MPDU1: variants seen among roughly 807,000 people sequenced by gnomAD.
MPDU1 encodes the protein mannose-P-dolichol utilization defect 1 protein.
MPDU1 carries 18 observed loss-of-function variants against 27.6 expected under a neutral mutation model. The ratio of observed to expected loss-of-function variants is 0.65; its 90% CI spans 0.45 to 0.97. The LOEUF (loss-of-function observed/expected upper bound fraction) is 0.97, where lower values mean the gene tolerates loss of function less well. Ranked by LOEUF, MPDU1 falls within the 50% of genes least tolerant of loss-of-function variation. The pLI is 0.00. For synonymous variants in MPDU1, 142 were observed against 131.1 expected, an observed-to-expected ratio of 1.08 and a Z score of -0.57; for missense variants, 279 against 297.4, an observed-to-expected ratio of 0.94 and a Z score of 0.46.
intron 3 of MPDU1, chr17:7,586,346 G>A: frequency 1.9e-6 from 1 of 515,940 alleles, no homozygotes; most frequent in Non-Finnish European, 3.5e-6. Flanking sequence ...GGCTGAGGCA[G>A]GAGAATCACT....
At position 7,585,702 on chromosome 17, in the gene MPDU1, C is replaced by T. The variant is rs749398757; in HGVS notation, c.104-30C>T. 10 of 1,609,428 alleles carry T rather than the reference C, an allele frequency of 6.2e-6. No individual in the cohort carries two copies. The East Asian group carries it at 2.2e-4, about 36-fold the overall frequency. On this transcript the variant is annotated intron_variant, in intron 1 of 6. Coordinates refer to ENST00000250124, the MANE Select transcript of MPDU1 (RefSeq NM_004870.4). ...CCCTGGCCTGGGTTTCAGACATCTC[C>T]TGTCTGCTTACCCTTTTTTCTCTCC... is the stretch of plus-strand genomic sequence containing the variant.
In MPDU1 at chr17:7,587,649, T is replaced by G; in HGVS notation, c.*98T>G. On this transcript the variant is annotated 3_prime_UTR_variant, in exon 7 of 7. Coordinates refer to ENST00000250124, the MANE Select transcript of MPDU1 (RefSeq NM_004870.4). The stretch of plus-strand genomic sequence containing the variant: ...GCTGGTGTGACTTACTCATCCTCCA[T>G]TCCTCTGCACTTGCAGACTTTCTGA... 6.6e-7 allele frequency: 1 copy of G among 1,514,694 alleles called. No homozygotes were observed. 93.8% of individuals were successfully genotyped at this position (1,514,694 alleles called of 1,614,324 possible).
At chr17:7,585,473 G>A (rs537796350) in intron 1 of MPDU1, among the ~76,000 whole-genome samples, 1 of 151,928 alleles carries the variant, frequency 6.6e-6, no homozygotes, top group East Asian at 1.9e-4. Flanking sequence ...AGAGGCAGAG[G>A]CTGCAGTGGG....
rs1165120908 is a variant in MPDU1 at position 7,587,986 on chromosome 17, G to C, written c.*435G>C. ...AGGCTGTGGCTGCCTCCCTCCCTCA[G>C]CCCGGCTGGGACTGTCTCCCGGACC... On this transcript the variant is annotated 3_prime_UTR_variant, in exon 7 of 7. Coordinates refer to ENST00000250124, the MANE Select transcript of MPDU1 (RefSeq NM_004870.4). 2 of 479,172 alleles carry C rather than the reference G, an allele frequency of 4.2e-6. No individual in the cohort carries two copies. Among genetic ancestry groups the C allele is most frequent in the African/African-American group, 3.9e-5 (2 of 51,062 alleles). The allele number at this position is 479,172 out of a possible 1,614,324, so 29.7% of individuals were successfully genotyped here.
At position 7,587,486 on chromosome 17, in the gene MPDU1, A is replaced by T. The variant is rs754949024; in HGVS notation, c.679A>T (p.Ile227Phe). The change falls in exon 7 of 7, where the codon ATC becomes TTC. Residue 227 changes from isoleucine to phenylalanine, a missense_variant. Ile to Phe is a conservative substitution (Grantham distance 21). Coordinates refer to ENST00000250124, the MANE Select transcript of MPDU1 (RefSeq NM_004870.4). ...FVVSSLCNGL[I>F]AAQLLFYWNA... ...GGTCTCCTCTCTCTGCAACGGCCTCATCGCCGCCCAGCTGCTCTTCTACTG... is the reference window on the plus strand; with the variant it reads ...GGTCTCCTCTCTCTGCAACGGCCTCTTCGCCGCCCAGCTGCTCTTCTACTG... The T allele has an allele frequency of 6.2e-7, 1 of 1,613,736 alleles. No homozygotes were observed. The highest frequency in any genetic ancestry group is 1.7e-5 in the Admixed American group (1 of 59,964).
intron 3 of MPDU1, 44 bp from the exon 4 acceptor site, chr17:7,586,648 C>CTTT (rs770830377): frequency 6.3e-7 from 1 of 1,579,780 alleles, no homozygotes; most frequent in East Asian, 2.2e-5. Flanking sequence ...TTCCCTGCCT[C>CTTT]TTTCTAGGCC....
intron 3 of MPDU1, 187 bp from the exon 4 acceptor site, chr17:7,586,505 C>T (rs1374926571): frequency 1.5e-6 from 1 of 684,926 alleles, no homozygotes; most frequent in African/African-American, 1.8e-5. Context: ...TAATCATCAC[C>T]AGTGGAGGTG....
At position 7,586,975 on chromosome 17, in the gene MPDU1, C is replaced by G; in HGVS notation, c.465C>G (p.Thr155=). The G allele has an allele frequency of 6.2e-7, 1 of 1,613,450 alleles. No individual in the cohort carries two copies. Among genetic ancestry groups the G allele is most frequent in the Admixed American group, 1.7e-5 (1 of 59,958 alleles). The change falls in exon 5 of 7, where the codon ACC becomes ACG. Residue 155 remains threonine, a synonymous_variant. Coordinates refer to ENST00000250124, the MANE Select transcript of MPDU1 (RefSeq NM_004870.4). The part of the protein sequence containing the change: ...LSPLTPLTVV[T]LLQASNVPAV... ...CTCTGACGCCCTTGACTGTAGTCAC[C>G]CTGCTCCAGGCCTCCAATGTGCCTG...
At chr17:7,585,872 T>C in intron 2 of MPDU1, 74 bp from the exon 3 acceptor site, 1 of 1,612,452 alleles carries the variant, frequency 6.2e-7, no homozygotes, top group Non-Finnish European at 8.5e-7. Flanking sequence ...GTGTGGGTGT[T>C]CGTTCTATAG....
intron 1 of MPDU1, 56 bp downstream of exon 1, chr17:7,584,021 G>A (rs1232178976): frequency 1.3e-6 from 2 of 1,545,408 alleles, no homozygotes; most frequent in Non-Finnish European, 1.8e-6. Flanking sequence ...TGGGCCCTTA[G>A]TCCAAGCCTT....
intron 1 of MPDU1, among the ~76,000 whole-genome samples, chr17:7,584,613 T>C (rs2071549571): frequency 6.6e-6 from 1 of 152,160 alleles, no homozygotes; most frequent in South Asian, 2.1e-4. Flanking sequence ...AGAGAAGTTG[T>C]GGATGGCCAG....
chr17:7,584,676 G>A (rs2071550818), intron 1 of MPDU1, among the ~76,000 whole-genome samples: 1 of 152,206 alleles, frequency 6.6e-6, no homozygotes, highest in Non-Finnish European at 1.5e-5. Context: ...GTAGGGGCCA[G>A]GGACAGTCAG....
chr17:7,583,829 G>C, upstream of MPDU1: 1 of 1,607,348 alleles, frequency 6.2e-7, no homozygotes, highest in African/African-American at 1.3e-5. Context: ...GTCAATGGCG[G>C]TCTGGAGAGA....
Position 7,586,771 on chromosome 17 carries a change from G to A in MPDU1, c.382G>A (p.Val128Met). The A allele has an allele frequency of 6.2e-7, 1 of 1,614,104 alleles. No individual in the cohort carries two copies. The highest frequency in any genetic ancestry group is 8.5e-7 in the Non-Finnish European group (1 of 1,179,982). ...FLVMHYRGQTVKGVAFLACYG... is the reference protein window; with the variant it reads ...FLVMHYRGQTMKGVAFLACYG... ...GGTCATGCACTACAGAGGACAGACT[G>A]TGAAAGGTGCTGGGGACTTACCCAA... Residue 128 changes from valine to methionine, a missense_variant, in exon 4 of 7, where the codon GTG (valine) becomes ATG (methionine). Transcript: ENST00000250124.
In MPDU1 at chr17:7,586,914, C is replaced by G; in HGVS notation, c.404C>G (p.Ala135Gly). The G allele has an allele frequency of 6.2e-7, 1 of 1,614,096 alleles. No individual in the cohort carries two copies. Among genetic ancestry groups the G allele is most frequent in the Non-Finnish European group, 8.5e-7 (1 of 1,180,026 alleles). The change falls in exon 5 of 7, where the codon GCT becomes GGT. Residue 135 changes from alanine (A) to glycine (G), a missense_variant. Coordinates refer to ENST00000250124, the MANE Select transcript of MPDU1 (RefSeq NM_004870.4). The part of the protein sequence containing the change: ...GQTVKGVAFL[A>G]CYGLVLLVLL... ...CCACCCCTAGGTGTCGCTTTCCTCG[C>G]TTGCTACGGCCTGGTCCTGCTGGTG...
In MPDU1 at chr17:7,588,112, T is replaced by G; in HGVS notation, c.*561T>G. The G allele has an allele frequency of 1.6e-6, 1 of 612,632 alleles. No individual in the cohort carries two copies. The highest frequency in any genetic ancestry group is 3.0e-6 in the Non-Finnish European group (1 of 329,616). 37.9% of individuals were successfully genotyped at this position (612,632 alleles called of 1,614,324 possible). A position where few individuals can be genotyped will look rare whatever the true frequency, so the allele number is the denominator to read the frequency against. ...TCTGGCAGGTCTAGGCGGAAGGGAG[T>G]GGAGATGGGGCTGGTTCCTGCTGCA... On this transcript the variant is annotated 3_prime_UTR_variant, in exon 7 of 7. Transcript: ENST00000250124.
chr17:7,585,838 G>A (rs576802605), intron 2 of MPDU1, 41 bp downstream of exon 2: 14 of 1,613,002 alleles, frequency 8.7e-6, no homozygotes, highest in South Asian at 6.6e-5. Flanking sequence ...GGGTTGGGGT[G>A]GAGGTGCTGA....
chr17:7,586,862 G>A (rs768421193), intron 4 of MPDU1, 37 bp from the exon 5 acceptor site: 1 of 1,612,198 alleles, frequency 6.2e-7, no homozygotes, highest in East Asian at 2.2e-5. Context: ...AAATGATGTG[G>A]AGAGATTGAC....
Position 7,587,720 on chromosome 17 carries a change from T to C in MPDU1, c.*169T>C. 5.8e-6 allele frequency: 6 copies of C among 1,036,198 alleles called. No individual in the cohort carries two copies. The highest frequency in any genetic ancestry group is 8.7e-6 in the Non-Finnish European group (6 of 691,928). 64.2% of individuals were successfully genotyped at this position (1,036,198 alleles called of 1,614,324 possible). On this transcript the variant is annotated 3_prime_UTR_variant, in exon 7 of 7. Transcript: ENST00000250124. ...GAAACAAATGGTTGATGGATCCAGATCCTTAGAAAAGGAGAGGATGGGGGT... is the reference window on the plus strand; with the variant it reads ...GAAACAAATGGTTGATGGATCCAGACCCTTAGAAAAGGAGAGGATGGGGGT...
Sources: allele counts gnomAD v4.1 joint callset (sites outside exome capture counted in the v4.1 genomes callset), GRCh38; gene constraint gnomAD v4.1.1; transcripts MANE v1.5; gene names NCBI Gene and HGNC (gene_info 2026-07-23, HGNC 2026-07-21).